The following GALNTL6 variants were observed in gnomAD, a reference collection of about 807,000 sequenced individuals.
The protein encoded by GALNTL6 is polypeptide N-acetylgalactosaminyltransferase-like 6.
GALNTL6 carries 46 observed loss-of-function variants against 73.7 expected under a neutral mutation model. The ratio of observed to expected loss-of-function variants is 0.62; its 90% confidence interval spans 0.49 to 0.80. GALNTL6 has a LOEUF of 0.80. Ranked by LOEUF, GALNTL6 falls within the 30% of genes least tolerant of loss-of-function variation. The pLI is 0.00. For missense variants in GALNTL6, 604 were observed against 755.0 expected (o/e 0.80, Z 2.34); for synonymous variants, 259 against 263.7 (o/e 0.98, Z 0.17).
rs116529388 is a variant in GALNTL6 at position 172,169,100 on chromosome 4, T to C, written c.139-60556T>C. Among the ~76,000 whole-genome samples the C allele has an allele frequency of 4.4e-3, 669 of 152,316 alleles. 7 individuals are homozygous for C. The highest frequency in any genetic ancestry group is 0.015 in the African/African-American group (637 of 41,566). Reference sequence around the variant, plus strand: ...ATTCCTAGCCCCAGCTTGAACCTAATACTTGGAGGATAAGTAAATGGGAAG... The same window carrying C: ...ATTCCTAGCCCCAGCTTGAACCTAACACTTGGAGGATAAGTAAATGGGAAG... On this transcript the variant is annotated intron_variant, in intron 2 of 12. Transcript: ENST00000506823.
chr4:172,893,355 G>A (rs1003270327), intron 8 of GALNTL6, among the ~76,000 whole-genome samples: 4 of 151,000 alleles, frequency 2.6e-5, no homozygotes, highest in Non-Finnish European at 5.9e-5. Context: ...CGGGGGGGGG[G>A]TCTTCCCCTT....
intron 5 of GALNTL6, among the ~76,000 whole-genome samples, chr4:172,656,496 C>T (rs1204699472): frequency 6.6e-6 from 1 of 152,162 alleles, no homozygotes; most frequent in Admixed American, 6.5e-5. Context: ...CAAATGAGCT[C>T]TTTAGAATAC....
At chr4:172,717,266 G>T (rs1350917798) in intron 5 of GALNTL6, among the ~76,000 whole-genome samples, 1 of 152,106 alleles carries the variant, frequency 6.6e-6, no homozygotes, top group Non-Finnish European at 1.5e-5. Flanking sequence ...CAACAAAAGG[G>T]CATCAGGCTA....
intron 5 of GALNTL6, among the ~76,000 whole-genome samples, chr4:172,631,456 G>T: frequency 6.6e-6 from 1 of 152,058 alleles, no homozygotes; most frequent in South Asian, 2.1e-4. Context: ...GTAATTTTTT[G>T]ATGTTTGAAG....
At chr4:171,979,245 T>C (rs186001043) in intron 2 of GALNTL6, among the ~76,000 whole-genome samples, 79 of 152,318 alleles carry the variant, frequency 5.2e-4, no homozygotes, top group Admixed American at 4.8e-3. Flanking sequence ...CCTTTAACAT[T>C]ATATCAAATA....
At chr4:172,291,464 C>A (rs1013425009) in intron 3 of GALNTL6, among the ~76,000 whole-genome samples, 2 of 152,044 alleles carry the variant, frequency 1.3e-5, no homozygotes, top group African/African-American at 4.8e-5. Context: ...GCTAATTCTT[C>A]ACATTATAAT....
At chr4:172,216,742 A>G (rs1736508418) in intron 2 of GALNTL6, among the ~76,000 whole-genome samples, 1 of 152,168 alleles carries the variant, frequency 6.6e-6, no homozygotes, top group Non-Finnish European at 1.5e-5. Flanking sequence ...TGAGCCAAAT[A>G]TGAGTGACCA....
At chr4:173,016,664 T>A (rs1275598725) in intron 11 of GALNTL6, among the ~76,000 whole-genome samples, 1 of 152,220 alleles carries the variant, frequency 6.6e-6, no homozygotes, top group African/African-American at 2.4e-5. Flanking sequence ...TTGCATTTGA[T>A]TTTACAGGCT....
rs138398187 is a variant in GALNTL6, at chr4:172,461,166, A to G, written c.553+112477A>G. On this transcript the variant is annotated intron_variant, in intron 5 of 12. Coordinates refer to ENST00000506823, the MANE Select transcript of GALNTL6 (RefSeq NM_001034845.3). ...ATCACTTATAAATGGGAGTTGAACA[A>G]TGAGAACACATGGACACAGGGAGGG... 8.5e-3 allele frequency among the ~76,000 whole-genome samples: 1,289 copies of G among 151,850 alleles called. 13 individuals carry two copies. Among genetic ancestry groups the G allele is most frequent in the East Asian group, 0.039 (200 of 5,116 alleles).
At chr4:171,910,630 T>C (rs982207594) in intron 2 of GALNTL6, among the ~76,000 whole-genome samples, 7 of 152,030 alleles carry the variant, frequency 4.6e-5, no homozygotes, top group Non-Finnish European at 8.8e-5. Flanking sequence ...GTATTAACCA[T>C]CTTACCCTGT....
intron 2 of GALNTL6, among the ~76,000 whole-genome samples, chr4:171,868,318 A>G (rs985743868): frequency 6.6e-6 from 1 of 152,074 alleles, no homozygotes; most frequent in African/African-American, 2.4e-5. Flanking sequence ...TCCCATTTTA[A>G]GCTTTCTTCA....
chr4:172,902,184 C>A (rs1746662777), intron 8 of GALNTL6, among the ~76,000 whole-genome samples: 1 of 152,118 alleles, frequency 6.6e-6, no homozygotes, highest in Non-Finnish European at 1.5e-5. Context: ...TAAATGTTGT[C>A]TACTGTTTAA....
intron 8 of GALNTL6, among the ~76,000 whole-genome samples, chr4:172,908,098 G>A (rs1173593211): frequency 6.6e-6 from 1 of 152,186 alleles, no homozygotes; most frequent in Non-Finnish European, 1.5e-5. Context: ...CTGGGCAGAG[G>A]AATGACCCAT....
At chr4:172,078,564 T>C (rs72698979) in intron 2 of GALNTL6, among the ~76,000 whole-genome samples, 3,080 of 152,338 alleles carry the variant, frequency 0.02, 36 homozygotes, top group Non-Finnish European at 0.03. Flanking sequence ...TTATTAGGTA[T>C]GAATGATATA....
intron 2 of GALNTL6, among the ~76,000 whole-genome samples, chr4:171,985,384 G>A (rs1740038080): frequency 1.3e-5 from 2 of 152,116 alleles, no homozygotes; most frequent in African/African-American, 4.8e-5. Flanking sequence ...TACACTATGG[G>A]GGAAACCACC....
intron 2 of GALNTL6, among the ~76,000 whole-genome samples, chr4:172,117,745 A>C (rs1733025807): frequency 6.6e-6 from 1 of 152,216 alleles, no homozygotes; most frequent in Admixed American, 6.5e-5. Flanking sequence ...AATTAAATGC[A>C]TCAACATGAA....
At chr4:172,607,299 T>G (rs1470484922) in intron 5 of GALNTL6, among the ~76,000 whole-genome samples, 1 of 152,084 alleles carries the variant, frequency 6.6e-6, no homozygotes, top group Admixed American at 6.6e-5. Context: ...TCCTCCAACC[T>G]CCACCCTCAA....
rs112218045 is a variant in GALNTL6, at chr4:172,434,608, G to A, written c.553+85919G>A. ...CTTTCTTTATCACCGCCTAATTAAAGAACACAGAATAACTTGCCTTCCTGT... is the reference window on the plus strand; with the variant it reads ...CTTTCTTTATCACCGCCTAATTAAAAAACACAGAATAACTTGCCTTCCTGT... On this transcript the variant is annotated intron_variant, in intron 5 of 12. Coordinates refer to ENST00000506823, the MANE Select transcript of GALNTL6 (RefSeq NM_001034845.3). Among the ~76,000 whole-genome samples, 471 of 152,078 alleles carry A rather than the reference G, an allele frequency of 3.1e-3. 2 individuals are homozygous for A. The highest frequency in any genetic ancestry group is 0.011 in the African/African-American group (438 of 41,520).
At chr4:171,936,704 T>A (rs573626334) in intron 2 of GALNTL6, among the ~76,000 whole-genome samples, 1 of 152,268 alleles carries the variant, frequency 6.6e-6, no homozygotes, top group East Asian at 1.9e-4. Flanking sequence ...AAACCTATCA[T>A]GGGATGAACA....
Sources: allele counts gnomAD v4.1 joint callset (sites outside exome capture counted in the v4.1 genomes callset), GRCh38; gene constraint gnomAD v4.1.1; transcripts MANE v1.5; gene names NCBI Gene and HGNC (gene_info 2026-07-23, HGNC 2026-07-21).